The following SIPA1L1 variants were observed in gnomAD, a reference collection of about 807,000 sequenced individuals.
SIPA1L1 encodes signal induced proliferation associated 1 like 1, also known as signal-induced proliferation-associated 1-like protein 1.
A neutral mutation model predicts 162.7 loss-of-function variants in SIPA1L1; 26 were observed. That is an observed-to-expected ratio of 0.16 (90% CI 0.12 to 0.22). The LOEUF (loss-of-function observed/expected upper bound fraction) is 0.22, where lower values mean the gene tolerates loss of function less well. Among genes scored for constraint, SIPA1L1 ranks in the 10% least tolerant of loss-of-function variants. The pLI is 1.00. For missense variants in SIPA1L1, 1,874 were observed against 2,241.0 expected (o/e 0.84, Z 3.31); for synonymous variants, 829 against 837.4 (o/e 0.99, Z 0.17).
In SIPA1L1 at chr14:71,575,383, G is replaced by A. The variant is rs947421966; in HGVS notation, c.-302-12188G>A. 2.0e-5 allele frequency among the ~76,000 whole-genome samples: 3 copies of A among 152,140 alleles called. No homozygotes were observed. The East Asian group carries it at 5.8e-4, about 29-fold the overall frequency. ...TGACTATCATTGGGCTTGGGATTGG[G>A]ACATGTAGAAGAAGACGTATACTTT... On this transcript the variant is annotated intron_variant, in intron 4 of 23. Transcript: ENST00000381232.
At chr14:71,537,430 C>T (rs2053999129) in intron 4 of SIPA1L1, among the ~76,000 whole-genome samples, 2 of 152,130 alleles carry the variant, frequency 1.3e-5, no homozygotes, top group South Asian at 4.1e-4. Context: ...GTCTCGGACT[C>T]CTGACCTCAG....
intron 4 of SIPA1L1, among the ~76,000 whole-genome samples, chr14:71,540,581 C>CA (rs1405135279): frequency 1.3e-5 from 2 of 151,128 alleles, no homozygotes; most frequent in African/African-American, 2.4e-5. Flanking sequence ...CTAGGACAAA[C>CA]AAAAAAAAGG....
chr14:71,685,056 T>C (rs1297011081), intron 12 of SIPA1L1, among the ~76,000 whole-genome samples: 1 of 152,178 alleles, frequency 6.6e-6, no homozygotes, highest in African/African-American at 2.4e-5. Flanking sequence ...CCTGGTGGCC[T>C]TTCCTCCTCA....
At chr14:71,697,904 A>T (rs1388511727) in intron 13 of SIPA1L1, among the ~76,000 whole-genome samples, 2 of 151,320 alleles carry the variant, frequency 1.3e-5, no homozygotes, top group African/African-American at 4.9e-5. Context: ...TGAGCATGCA[A>T]ACCCATTATA....
At chr14:71,693,519 C>T (rs2081397644) in intron 13 of SIPA1L1, among the ~76,000 whole-genome samples, 1 of 152,104 alleles carries the variant, frequency 6.6e-6, no homozygotes, top group East Asian at 1.9e-4. Flanking sequence ...GAACAGGATT[C>T]CCATGATCTA....
chr14:71,622,941 C>T (rs921940052), intron 6 of SIPA1L1, among the ~76,000 whole-genome samples: 2 of 152,212 alleles, frequency 1.3e-5, no homozygotes, highest in Non-Finnish European at 2.9e-5. Context: ...ATAATCACTC[C>T]TTCCCACTTA....
intron 16 of SIPA1L1, among the ~76,000 whole-genome samples, chr14:71,708,808 T>A (rs2082664150): frequency 6.6e-6 from 1 of 152,210 alleles, no homozygotes; most frequent in African/African-American, 2.4e-5. Flanking sequence ...GACATAAGTC[T>A]TATATTCAGC....
chr14:71,628,989 A>G (rs769584416), intron 7 of SIPA1L1, among the ~76,000 whole-genome samples: 50 of 152,028 alleles, frequency 3.3e-4, no homozygotes, highest in Non-Finnish European at 6.9e-4. Context: ...CCAGGCTGGA[A>G]TGCAGTGGTG....
intron 2 of SIPA1L1, among the ~76,000 whole-genome samples, chr14:71,380,839 A>G (rs2039833687): frequency 1.3e-5 from 2 of 152,172 alleles, no homozygotes; most frequent in South Asian, 4.1e-4. Context: ...AAATCCATGC[A>G]CTTGAAGACC....
At chr14:71,708,607 G>A (rs1022793057) in intron 16 of SIPA1L1, among the ~76,000 whole-genome samples, 32 of 152,148 alleles carry the variant, frequency 2.1e-4, no homozygotes, top group Non-Finnish European at 2.9e-4. Context: ...CTATAGGTGT[G>A]AGCCACTGCC....
At chr14:71,716,338 C>G (rs1429859232) in intron 17 of SIPA1L1, among the ~76,000 whole-genome samples, 1 of 152,186 alleles carries the variant, frequency 6.6e-6, no homozygotes, top group South Asian at 2.1e-4. Flanking sequence ...CAGCTCTCCT[C>G]TCCTTGGTAT....
intron 6 of SIPA1L1, among the ~76,000 whole-genome samples, chr14:71,621,620 A>G (rs951334647): frequency 3.9e-5 from 6 of 152,124 alleles, no homozygotes; most frequent in African/African-American, 1.4e-4. Flanking sequence ...TTTTTCATTA[A>G]TACTTAACAC....
At chr14:71,325,112 T>A (rs2033637734) in intron 2 of SIPA1L1, among the ~76,000 whole-genome samples, 1 of 152,220 alleles carries the variant, frequency 6.6e-6, no homozygotes, top group African/African-American at 2.4e-5. Context: ...GGTCTTATTC[T>A]ACAGACAGAC....
rs75636140 is a variant in SIPA1L1, at chr14:71,374,213, A to G, written c.-465+53032A>G. 7.4e-4 allele frequency among the ~76,000 whole-genome samples: 112 copies of G among 152,266 alleles called. 1 individual carries two copies. The highest frequency in any genetic ancestry group is 2.6e-3 in the African/African-American group (109 of 41,550). ...TACTTAACTGCCATTTGCAGTATTT[A>G]TCAGGAAACCGGAGATATTTGATAT... On this transcript the variant is annotated intron_variant, in intron 2 of 23. Transcript: ENST00000381232.
chr14:71,410,444 T>C (rs938821100), intron 2 of SIPA1L1, among the ~76,000 whole-genome samples: 2 of 152,224 alleles, frequency 1.3e-5, no homozygotes, highest in Admixed American at 6.5e-5. Flanking sequence ...TTGTGAATGG[T>C]TGGCCCCTAA....
intron 2 of SIPA1L1, among the ~76,000 whole-genome samples, chr14:71,481,751 A>G (rs1321752378): frequency 2.6e-5 from 4 of 152,238 alleles, no homozygotes; most frequent in African/African-American, 9.6e-5. Flanking sequence ...AACTAACTGT[A>G]GGTGATCATA....
intron 13 of SIPA1L1, among the ~76,000 whole-genome samples, chr14:71,688,817 G>A (rs1424137630): frequency 6.6e-6 from 1 of 152,216 alleles, no homozygotes; most frequent in East Asian, 1.9e-4. Flanking sequence ...GTAATGGTGT[G>A]GCGTAATATT....
chr14:71,387,929 A>G (rs1331134274), intron 2 of SIPA1L1, among the ~76,000 whole-genome samples: 1 of 152,248 alleles, frequency 6.6e-6, no homozygotes, highest in Non-Finnish European at 1.5e-5. Flanking sequence ...GATGAATCCA[A>G]GTTAATTTCT....
At chr14:71,350,408 A>G (rs2140582216) in intron 2 of SIPA1L1, among the ~76,000 whole-genome samples, 1 of 152,258 alleles carries the variant, frequency 6.6e-6, no homozygotes, top group Admixed American at 6.5e-5. Context: ...ACTCTTTCTC[A>G]AGACAAAACA....
Sources: allele counts gnomAD v4.1 joint callset (sites outside exome capture counted in the v4.1 genomes callset), GRCh38; gene constraint gnomAD v4.1.1; transcripts MANE v1.5; gene names NCBI Gene and HGNC (gene_info 2026-07-23, HGNC 2026-07-21).